The following KIAA1549 variants were observed in gnomAD, a reference collection of about 807,000 sequenced individuals.
KIAA1549 encodes the protein UPF0606 protein KIAA1549.
Under a neutral mutation model 156.4 loss-of-function variants are expected in KIAA1549, and 70 were observed. The ratio of observed to expected loss-of-function variants is 0.45; its 90% CI spans 0.37 to 0.55. The LOEUF (loss-of-function observed/expected upper bound fraction) is 0.55, where lower values mean the gene tolerates loss of function less well. KIAA1549 is among the 20% of genes least tolerant of loss of function. The pLI is 0.00. For synonymous variants in KIAA1549, 1,103 were observed against 1,066.4 expected (o/e 1.03, Z -0.67); for missense variants, 2,428 against 2,540.9 (o/e 0.96, Z 0.96).
intron 13 of KIAA1549, among the ~76,000 whole-genome samples, chr7:138,870,551 G>T (rs1019527747): frequency 6.6e-6 from 1 of 152,114 alleles, no homozygotes; most frequent in Non-Finnish European, 1.5e-5. Flanking sequence ...CCCCAAAGAC[G>T]GAAACCTGAA....
At chr7:138,840,111 G>A in intron 19 of KIAA1549, 22 bp downstream of exon 19, 1 of 1,540,792 alleles carries the variant, frequency 6.5e-7, no homozygotes, top group Non-Finnish European at 8.8e-7. Context: ...TTTAAATGAT[G>A]ACCCAAACAG....
Position 138,879,645 on chromosome 7 carries a change from G to A in KIAA1549, c.4238C>T (p.Pro1413Leu). The A allele has an allele frequency of 1.3e-6, 2 of 1,534,856 alleles. No individual in the cohort carries two copies. The highest frequency in any genetic ancestry group is 2.4e-5 in the South Asian group (2 of 82,308). Residue 1413 changes from proline (P) to leucine (L), a missense_variant, in exon 12 of 20, where the codon CCC (proline) becomes CTC (leucine). Physicochemically the swap from Pro to Leu is moderately conservative, Grantham distance 98 (BLOSUM62 -3). Transcript: ENST00000422774. ...KNVRHRGRVS[P>L]SDADSTVSEE... ...ACTGACCGTAGAGTCAGCATCTGAG[G>A]GAGAAACTCTGCAGACACAAAATGA...
At chr7:138,897,884 C>A (rs1186365471) in intron 9 of KIAA1549, among the ~76,000 whole-genome samples, 6 of 110,720 alleles carry the variant, frequency 5.4e-5, no homozygotes, top group African/African-American at 8.1e-5. Context: ...CAGAGCAAGA[C>A]CCTTTCTCAA....
chr7:138,865,080 T>C (rs926938551), intron 15 of KIAA1549, among the ~76,000 whole-genome samples: 1 of 151,944 alleles, frequency 6.6e-6, no homozygotes, highest in Non-Finnish European at 1.5e-5. Flanking sequence ...ATACAAAAAT[T>C]AGCCAGGCAA....
At chr7:138,961,487 G>A (rs987547110) in intron 1 of KIAA1549, among the ~76,000 whole-genome samples, 11 of 152,128 alleles carry the variant, frequency 7.2e-5, no homozygotes, top group African/African-American at 2.7e-4. Flanking sequence ...CCCCCACAGG[G>A]ACCACGGGAG....
At chr7:138,852,508 T>C (rs544943443) in intron 16 of KIAA1549, among the ~76,000 whole-genome samples, 92 of 152,370 alleles carry the variant, frequency 6.0e-4, no homozygotes, top group Admixed American at 2.2e-3. Flanking sequence ...CCTTCTTTTG[T>C]ATATTACAAC....
rs930228038 is a variant in KIAA1549, at chr7:138,840,094, T to C, written c.5598+39A>G. ...TGTGAGCCACCGCACCTGGCCTATG[T>C]CTAAATTTTAAATGATGACCCAAAC... On this transcript the variant is annotated intron_variant, in intron 19 of 19. Coordinates refer to ENST00000422774, the MANE Select transcript of KIAA1549 (RefSeq NM_001164665.2). 6.5e-6 allele frequency: 10 copies of C among 1,531,334 alleles called. No individual in the cohort carries two copies. The African/African-American group carries it at 1.4e-4, about 21-fold the overall frequency. The allele number at this position is 1,531,334 out of a possible 1,614,324, so 94.9% of individuals were successfully genotyped here.
At chr7:138,911,394 T>C in intron 3 of KIAA1549, 71 bp from the exon 4 acceptor site, 1 of 1,205,900 alleles carries the variant, frequency 8.3e-7, no homozygotes. Context: ...AATAAAAAAT[T>C]ATAAACTAAA....
chr7:138,845,135 G>T (rs180817388), intron 17 of KIAA1549, among the ~76,000 whole-genome samples: 14 of 152,006 alleles, frequency 9.2e-5, no homozygotes, highest in African/African-American at 2.9e-4. Flanking sequence ...TACCAGATTA[G>T]AAATTAAAAT....
At chr7:138,937,522 G>A (rs1037116858) in intron 1 of KIAA1549, among the ~76,000 whole-genome samples, 3 of 152,194 alleles carry the variant, frequency 2.0e-5, no homozygotes, top group African/African-American at 7.2e-5. Context: ...AGAGGAGACA[G>A]ACAATAATGA....
Position 138,918,229 on chromosome 7 carries a change from C to T in KIAA1549, c.1397G>A (p.Ser466Asn). Reference sequence around the variant, plus strand: ...AAATTCAGAGAAGTCTGCTACGACGCTACTCATTAGAGAGATGCTGCTTTC... The same window carrying T: ...AAATTCAGAGAAGTCTGCTACGACGTTACTCATTAGAGAGATGCTGCTTTC... ...LEESSISLMS[S>N]VVADFSEFEE... Residue 466 changes from serine (S) to asparagine (N), a missense_variant, in exon 2 of 20, where the codon AGC becomes AAC. Physicochemically the swap from Ser to Asn is conservative, Grantham distance 46. Coordinates refer to ENST00000422774, the MANE Select transcript of KIAA1549 (RefSeq NM_001164665.2). The surrounding 1 kb of genome is among the most constrained non-coding windows in gnomAD (Gnocchi z 4.2). 6.2e-7 allele frequency: 1 copy of T among 1,614,022 alleles called. No individual in the cohort carries two copies. Among genetic ancestry groups the T allele is most frequent in the South Asian group, 1.1e-5 (1 of 91,088 alleles).
chr7:138,926,542 C>T (rs544371700), intron 1 of KIAA1549, among the ~76,000 whole-genome samples: 6 of 152,282 alleles, frequency 3.9e-5, no homozygotes, highest in African/African-American at 1.2e-4. Flanking sequence ...GTCTCGGTCT[C>T]CCAAAGTGCT....
intron 15 of KIAA1549, among the ~76,000 whole-genome samples, chr7:138,862,205 T>C (rs117003573): frequency 0.037 from 5,643 of 152,212 alleles, 188 homozygotes; most frequent in Non-Finnish European, 0.061. Flanking sequence ...ATTAAAACTA[T>C]GCATGTGGGC....
rs1180790162 is a variant in KIAA1549, at chr7:138,917,754, G to A, written c.1872C>T (p.Ser624=). 1 of 1,582,666 alleles carries A rather than the reference G, an allele frequency of 6.3e-7. No individual in the cohort carries two copies. Among genetic ancestry groups the A allele is most frequent in the East Asian group, 2.3e-5 (1 of 43,322 alleles). Residue 624 remains serine, a synonymous_variant, in exon 2 of 20, where the codon TCC becomes TCT. Coordinates refer to ENST00000422774, the MANE Select transcript of KIAA1549 (RefSeq NM_001164665.2). The part of the protein sequence containing the change: ...HKPRGALDFA[S]SFFSTPPLEL... ...CCAGCGGGGGTGTTGAGAAAAAGCTGGATGCAAAATCCAAAGCACCTCTGG... is the reference window on the plus strand; with the variant it reads ...CCAGCGGGGGTGTTGAGAAAAAGCTAGATGCAAAATCCAAAGCACCTCTGG...
At chr7:138,978,692 A>C (rs1366237050) in intron 1 of KIAA1549, among the ~76,000 whole-genome samples, 1 of 152,216 alleles carries the variant, frequency 6.6e-6, no homozygotes. Flanking sequence ...TAGGAAGTCC[A>C]AAACAGGTCT....
Position 138,894,545 on chromosome 7 carries a change from G to C in KIAA1549, c.3848-19C>G, listed in dbSNP as rs1563066546. On this transcript the variant is annotated intron_variant, in intron 9 of 19. Transcript: ENST00000422774. ...TCGACAGCTGCAGACAAGGAAGAAA[G>C]GTCTTTCAATAATTCCTTCTTCACT... The C allele has an allele frequency of 2.5e-6, 4 of 1,612,902 alleles. No homozygotes were observed. The Admixed American group carries it at 5.0e-5, about 20-fold the overall frequency.
rs766713366 is a variant in KIAA1549 at position 138,861,140 on chromosome 7, C to G, written c.5246G>C (p.Ser1749Thr). Residue 1749 changes from serine (S) to threonine (T), a missense_variant and splice_region_variant, in exon 16 of 20, where the codon AGT (serine) becomes ACT (threonine). By Grantham distance (58) the Ser-to-Thr change is moderately conservative (BLOSUM62 1). Coordinates refer to ENST00000422774, the MANE Select transcript of KIAA1549 (RefSeq NM_001164665.2). ...SPAQTANNPCSRYEDYGMTPP... is the reference protein window; with the variant it reads ...SPAQTANNPCTRYEDYGMTPP... ...GAATTCTAGAAGGCCAGTACTTACA[C>G]TGCAGGGATTGTTGGCCGTCTGGGC... 27 of 1,613,632 alleles carry G rather than the reference C, an allele frequency of 1.7e-5. No individual in the cohort carries two copies. Among genetic ancestry groups the G allele is most frequent in the South Asian group, 1.4e-4 (13 of 91,062 alleles).
intron 1 of KIAA1549, among the ~76,000 whole-genome samples, chr7:138,962,365 A>C (rs910403310): frequency 1.8e-4 from 28 of 152,260 alleles, no homozygotes; most frequent in African/African-American, 3.6e-4. Context: ...CATCAATGTC[A>C]ATGTCTAGGC....
At chr7:138,946,209 G>A (rs1359681603) in intron 1 of KIAA1549, among the ~76,000 whole-genome samples, 1 of 152,162 alleles carries the variant, frequency 6.6e-6, no homozygotes, top group East Asian at 1.9e-4. Context: ...AGTGAGGCTT[G>A]TTATTCTCTG....
Sources: allele counts gnomAD v4.1 joint callset (sites outside exome capture counted in the v4.1 genomes callset), GRCh38; gene constraint gnomAD v4.1.1; non-coding constraint Gnocchi (gnomAD v3.1); transcripts MANE v1.5; gene names NCBI Gene and HGNC (gene_info 2026-07-23, HGNC 2026-07-21).